The following TCF20 variants were observed in gnomAD, a reference collection of about 807,000 sequenced individuals.
TCF20 encodes SPRE-binding protein.
Under a neutral mutation model 148.6 loss-of-function variants are expected in TCF20, and 3 were observed. The ratio of observed to expected loss-of-function variants is 0.02; its 90% CI spans 0.01 to 0.05. TCF20 has a LOEUF of 0.05. TCF20 is among the 10% of genes least tolerant of loss of function. The probability of loss-of-function intolerance (pLI) is 1.00; values close to 1 mark genes in which losing one functional copy is unlikely to be tolerated. For missense variants in TCF20, 2,350 were observed against 2,429.3 expected (o/e 0.97, Z 0.69); for synonymous variants, 1,049 against 909.5 (o/e 1.15, Z -2.76).
intron 3 of TCF20, among the ~76,000 whole-genome samples, chr22:42,179,291 A>G (rs1049378140): frequency 2.6e-5 from 4 of 152,070 alleles, no homozygotes; most frequent in African/African-American, 7.2e-5. Context: ...AGCATTATTC[A>G]TAACAGTCAA....
intron 2 of TCF20, among the ~76,000 whole-genome samples, chr22:42,181,475 C>T (rs1458289434): frequency 1.3e-5 from 2 of 152,122 alleles, no homozygotes; most frequent in Non-Finnish European, 2.9e-5. Context: ...ATATGGCCCT[C>T]CCTACCCTGG....
At chr22:42,262,759 G>A (rs943309235) in intron 1 of TCF20, among the ~76,000 whole-genome samples, 10 of 152,130 alleles carry the variant, frequency 6.6e-5, no homozygotes, top group South Asian at 6.2e-4. Flanking sequence ...ACATGGTCCC[G>A]CTCTGAGAAC....
chr22:42,316,332 A>T (rs909794459), intron 1 of TCF20, among the ~76,000 whole-genome samples: 3 of 151,966 alleles, frequency 2.0e-5, no homozygotes, highest in Non-Finnish European at 1.5e-5. Context: ...CCAAACGCTG[A>T]CCCTGTGAAA....
intron 2 of TCF20, among the ~76,000 whole-genome samples, chr22:42,188,389 G>A (rs4464374): frequency 0.042 from 6,386 of 150,738 alleles, 195 homozygotes; most frequent in Non-Finnish European, 0.069. Context: ...GTAACCCTTG[G>A]CTAACGAAAG....
At chr22:42,179,490 CAAAAAAAAAA>C (rs57857271) in intron 3 of TCF20, 109 bp downstream of exon 3, 21 of 373,258 alleles carry the variant, frequency 5.6e-5, no homozygotes, top group African/African-American at 4.3e-4. Context: ...TATGAAGTGA[CAAAAAAAAAA>C]AAAAAAAAAA....
At chr22:42,218,760 G>C (rs1303016131) in intron 1 of TCF20, among the ~76,000 whole-genome samples, 1 of 152,050 alleles carries the variant, frequency 6.6e-6, no homozygotes, top group Non-Finnish European at 1.5e-5. Context: ...TATCAGGCCT[G>C]AGGCTGCCCT....
At position 42,214,388 on chromosome 22, in the gene TCF20, T is replaced by C. The variant is rs745874374; in HGVS notation, c.918A>G (p.Pro306=). The part of the protein sequence containing the change: ...SMKNFEQAKI[P]QGTQQGQQQQ... ...GCTGCTGCCCCTGTTGGGTCCCTTG[T>C]GGAATCTTTGCCTGTTCAAAATTCT... Residue 306 remains proline, a synonymous_variant, in exon 2 of 6, where the codon CCA becomes CCG. Transcript: ENST00000677622. 11 of 1,614,188 alleles carry C rather than the reference T, an allele frequency of 6.8e-6. No individual in the cohort carries two copies. The highest frequency in any genetic ancestry group is 1.1e-5 in the South Asian group (1 of 91,080).
chr22:42,318,334 C>T (rs1019894907), intron 1 of TCF20, among the ~76,000 whole-genome samples: 5 of 152,168 alleles, frequency 3.3e-5, no homozygotes, highest in Non-Finnish European at 7.3e-5. Flanking sequence ...ATCCCCCCAG[C>T]CCCACCCCAA....
chr22:42,179,753 TC>T, intron 2 of TCF20, 51 bp from the exon 3 acceptor site: 1 of 1,245,980 alleles, frequency 8.0e-7, no homozygotes, highest in Non-Finnish European at 1.2e-6. Flanking sequence ...TTTGGCCCTC[TC>T]CTCCAGGCCT....
intron 3 of TCF20, among the ~76,000 whole-genome samples, chr22:42,170,642 A>G (rs1298780420): frequency 3.3e-5 from 5 of 150,882 alleles, no homozygotes; most frequent in African/African-American, 1.2e-4. Context: ...AAAAAAAAAA[A>G]AAAAAAAAAA....
Position 42,211,031 on chromosome 22 carries a change from G to A in TCF20, c.4275C>T (p.His1425=), listed in dbSNP as rs370944665. 1.7e-5 allele frequency: 28 copies of A among 1,613,960 alleles called. No homozygotes were observed. The highest frequency in any genetic ancestry group is 9.3e-5 in the African/African-American group (7 of 74,876). Residue 1425 remains histidine, a synonymous_variant, in exon 2 of 6, where the codon CAC becomes CAT. Coordinates refer to ENST00000677622, the MANE Select transcript of TCF20 (RefSeq NM_001378418.1). ...DLVSPANQEL[H]VEKPLPRSSE... ...AAGACCTTGGAAGAGGTTTCTCTACGTGCAACTCCTGGTTTGCTGGACTGA... is the reference window on the plus strand; with the variant it reads ...AAGACCTTGGAAGAGGTTTCTCTACATGCAACTCCTGGTTTGCTGGACTGA...
intron 2 of TCF20, among the ~76,000 whole-genome samples, chr22:42,196,912 C>G (rs1031827566): frequency 6.6e-6 from 1 of 152,192 alleles, no homozygotes; most frequent in African/African-American, 2.4e-5. Flanking sequence ...TATTGTCTAT[C>G]TGCCTGTGTA....
chr22:42,249,288 TG>T (rs1925171952), intron 1 of TCF20, among the ~76,000 whole-genome samples: 1 of 152,224 alleles, frequency 6.6e-6, no homozygotes, highest in South Asian at 2.1e-4. Context: ...AGCCTGCAGA[TG>T]ATCTGTCATG....
At chr22:42,315,098 C>G (rs1927605207) in intron 1 of TCF20, among the ~76,000 whole-genome samples, 2 of 152,076 alleles carry the variant, frequency 1.3e-5, no homozygotes, top group African/African-American at 2.4e-5. Context: ...AAGGAATGGT[C>G]TGAGGAGACC....
chr22:42,301,451 G>C (rs1419037769), intron 1 of TCF20, among the ~76,000 whole-genome samples: 2 of 152,212 alleles, frequency 1.3e-5, no homozygotes, highest in African/African-American at 2.4e-5. Context: ...ACGTGGCCTG[G>C]TCCCTCCAAA....
chr22:42,163,956 G>C (rs986087519), intron 5 of TCF20, among the ~76,000 whole-genome samples: 1 of 151,968 alleles, frequency 6.6e-6, no homozygotes, highest in African/African-American at 2.4e-5. Flanking sequence ...CCTGAACCCG[G>C]GACGCCATCC....
chr22:42,207,085 C>CA (rs999253911), intron 2 of TCF20, among the ~76,000 whole-genome samples: 1 of 152,144 alleles, frequency 6.6e-6, no homozygotes, highest in Non-Finnish European at 1.5e-5. Flanking sequence ...GGGGAGGCCT[C>CA]AGTAAGTGGG....
chr22:42,200,030 G>A (rs1463594485), intron 2 of TCF20, among the ~76,000 whole-genome samples: 1 of 151,342 alleles, frequency 6.6e-6, no homozygotes, highest in Non-Finnish European at 1.5e-5. Flanking sequence ...CTTTCAATTT[G>A]GATTTAAAAA....
chr22:42,171,498 G>A (rs1936130137), intron 3 of TCF20, among the ~76,000 whole-genome samples: 1 of 152,144 alleles, frequency 6.6e-6, no homozygotes, highest in South Asian at 2.1e-4. Flanking sequence ...GTCTTTCGTT[G>A]GAGCCCATGA....
Sources: gnomAD v4.1 joint callset for allele counts (sites outside exome capture counted in the v4.1 genomes callset) on GRCh38, gnomAD v4.1.1 for gene constraint, MANE v1.5 for transcripts, NCBI Gene and HGNC (gene_info 2026-07-23, HGNC 2026-07-21) for gene names.